NECTIN1: variants seen among roughly 807,000 people sequenced by gnomAD.
The protein encoded by NECTIN1 is nectin-1.
NECTIN1 carries 23 observed loss-of-function variants against 48.0 expected under a neutral mutation model. That is an observed-to-expected ratio of 0.48 (90% CI 0.34 to 0.68). NECTIN1 has a LOEUF of 0.68. Among genes scored for constraint, NECTIN1 ranks in the 30% least tolerant of loss-of-function variants. NECTIN1 has a pLI of 0.01. For missense variants in NECTIN1, 591 were observed against 709.9 expected (o/e 0.83, Z 1.90); for synonymous variants, 270 against 288.9 (o/e 0.93, Z 0.66).
rs1336658899 is a variant in NECTIN1, at chr11:119,664,680, G to T, written c.*67C>A. 6.7e-7 allele frequency: 1 copy of T among 1,482,380 alleles called. No individual in the cohort carries two copies. The highest frequency in any genetic ancestry group is 1.4e-5 in the South Asian group (1 of 73,520). 91.8% of individuals were successfully genotyped at this position (1,482,380 alleles called of 1,614,324 possible). ...CAGCTCCTGGAGTGGGAGGTGGGGG[G>T]TGGGCAGGGGGCGTGCGGGGAGGGG... is the stretch of plus-strand genomic sequence containing the variant. On this transcript the variant is annotated 3_prime_UTR_variant, in exon 6 of 6. Coordinates refer to ENST00000264025, the MANE Select transcript of NECTIN1 (RefSeq NM_002855.5).
chr11:119,640,090 C>CA, intron 5 of NECTIN1: 1 of 1,438,718 alleles, frequency 7.0e-7, no homozygotes. Context: ...GTGAGAGAGT[C>CA]AGACCCTGAG....
chr11:119,646,507 G>A (rs79849521), intron 5 of NECTIN1, among the ~76,000 whole-genome samples: 2,831 of 152,234 alleles, frequency 0.019, 86 homozygotes, highest in African/African-American at 0.057. Context: ...AGTTAAACCC[G>A]TGGTCACATT....
At chr11:119,666,058 T>C (rs1335878738) in intron 5 of NECTIN1, among the ~76,000 whole-genome samples, 1 of 152,144 alleles carries the variant, frequency 6.6e-6, no homozygotes. Context: ...GGTGGGGGCC[T>C]GGCAGTGCTG....
intron 5 of NECTIN1, among the ~76,000 whole-genome samples, chr11:119,669,561 G>T (rs1864833692): frequency 1.3e-5 from 2 of 152,098 alleles, no homozygotes; most frequent in Admixed American, 1.3e-4. Flanking sequence ...TCCCTCTGTG[G>T]ACTGTTTTCC....
intron 5 of NECTIN1, among the ~76,000 whole-genome samples, chr11:119,652,444 C>A (rs1024194723): frequency 1.3e-5 from 2 of 152,064 alleles, no homozygotes; most frequent in African/African-American, 2.4e-5. Flanking sequence ...TCTAGGAGGG[C>A]CCCCACCTGG....
rs1240467044 is a variant in NECTIN1 at position 119,678,832 on chromosome 11, T to C, written c.80-67A>G. 1.0e-5 allele frequency: 11 copies of C among 1,070,324 alleles called. No individual in the cohort carries two copies. The highest frequency in any genetic ancestry group is 1.6e-5 in the Non-Finnish European group (11 of 707,910). The allele number at this position is 1,070,324 out of a possible 1,614,324, so 66.3% of individuals were successfully genotyped here. ...GCCTCCCCCCACCCACACAGTTCCCTGTGCTCTGGCCTTGTCTTTTATAGC... is the reference window on the plus strand; with the variant it reads ...GCCTCCCCCCACCCACACAGTTCCCCGTGCTCTGGCCTTGTCTTTTATAGC... On this transcript the variant is annotated intron_variant, in intron 1 of 5. Transcript: ENST00000264025. The surrounding 1 kb of genome is among the most constrained non-coding windows in gnomAD (Gnocchi z 4.4).
chr11:119,654,308 C>CCCCTCTTG (rs894671021), intron 5 of NECTIN1: 2 of 151,986 alleles, frequency 1.3e-5, no homozygotes, highest in African/African-American at 4.8e-5. Flanking sequence ...ACCATCCAAC[C>CCCCTCTTG]CCCTCTTGCC....
intron 1 of NECTIN1, among the ~76,000 whole-genome samples, chr11:119,685,064 GCA>G (rs760940985): frequency 1.1e-4 from 17 of 152,214 alleles, no homozygotes; most frequent in Non-Finnish European, 2.1e-4. Flanking sequence ...CTGGGGCTGC[GCA>G]CAGTCTGGAC....
intron 1 of NECTIN1, among the ~76,000 whole-genome samples, chr11:119,701,561 G>A (rs1335687594): frequency 6.6e-6 from 1 of 152,032 alleles, no homozygotes; most frequent in Non-Finnish European, 1.5e-5. Flanking sequence ...CTGCTCTGGG[G>A]TTGGTATTGT....
In NECTIN1 at chr11:119,687,546, C is replaced by T. The variant is rs150176281; in HGVS notation, c.80-8781G>A. Reference sequence around the variant, plus strand: ...AAACAACACTGTCTTGTAGCAGACACGGCAGCCTGGATTTCCCTCGGCAAG... The same window carrying T: ...AAACAACACTGTCTTGTAGCAGACATGGCAGCCTGGATTTCCCTCGGCAAG... On this transcript the variant is annotated intron_variant, in intron 1 of 5. Coordinates refer to ENST00000264025, the MANE Select transcript of NECTIN1 (RefSeq NM_002855.5). Among the ~76,000 whole-genome samples, 1,041 of 152,234 alleles carry T rather than the reference C, an allele frequency of 6.8e-3. 50 individuals are homozygous for T. Among genetic ancestry groups the T allele is most frequent in the Admixed American group, 0.062 (949 of 15,298 alleles).
chr11:119,698,194 C>A (rs916096449), intron 1 of NECTIN1, among the ~76,000 whole-genome samples: 1 of 152,226 alleles, frequency 6.6e-6, no homozygotes, highest in African/African-American at 2.4e-5. Flanking sequence ...CCATGCTGGA[C>A]CCTTTTGGCA....
chr11:119,653,104 G>A (rs1864515912), intron 5 of NECTIN1, among the ~76,000 whole-genome samples: 1 of 152,102 alleles, frequency 6.6e-6, no homozygotes, highest in Non-Finnish European at 1.5e-5. Context: ...TGCCTGGGAG[G>A]GCACATGAAT....
rs73004971 is a variant in NECTIN1, at chr11:119,671,136, C to T, written c.1003+4023G>A. On this transcript the variant is annotated intron_variant, in intron 5 of 5. Coordinates refer to ENST00000264025, the MANE Select transcript of NECTIN1 (RefSeq NM_002855.5). ...AAAGGAGAAGCATGGGGATCTAACTCATTTGCAAGCAGAAGGGGCTGTCTG... is the reference window on the plus strand; with the variant it reads ...AAAGGAGAAGCATGGGGATCTAACTTATTTGCAAGCAGAAGGGGCTGTCTG... Among the ~76,000 whole-genome samples the T allele has an allele frequency of 3.4e-3, 508 of 151,580 alleles. 3 individuals are homozygous for T. The South Asian group carries it at 0.034, about 10-fold the overall frequency.
rs568611145 is a variant in NECTIN1, at chr11:119,662,270, G to A, written c.*2477C>T. 4.1e-6 allele frequency: 4 copies of A among 985,624 alleles called. No homozygotes were observed. The highest frequency in any genetic ancestry group is 6.1e-5 in the Admixed American group (1 of 16,272). 61.1% of individuals were successfully genotyped at this position (985,624 alleles called of 1,614,324 possible). A position where few individuals can be genotyped will look rare whatever the true frequency, so the allele number is the denominator to read the frequency against. On this transcript the variant is annotated 3_prime_UTR_variant, in exon 6 of 6. Coordinates refer to ENST00000264025, the MANE Select transcript of NECTIN1 (RefSeq NM_002855.5). This position sits in a 1 kb window ranked among gnomAD's most constrained non-coding sequence, Gnocchi z 5.3. Reference sequence around the variant, plus strand: ...CTGTGTCTGTGGGCCCAGCAGTAGTGCCCACCTTCCCACAAACTTGGGGCA... The same window carrying A: ...CTGTGTCTGTGGGCCCAGCAGTAGTACCCACCTTCCCACAAACTTGGGGCA...
intron 1 of NECTIN1, among the ~76,000 whole-genome samples, chr11:119,679,635 C>T (rs575138807): frequency 5.9e-4 from 90 of 152,282 alleles, no homozygotes; most frequent in African/African-American, 2.0e-3. Context: ...ATGCCACATT[C>T]CCGGTTTCCT....
chr11:119,703,441 C>G (rs1310241405), intron 1 of NECTIN1, among the ~76,000 whole-genome samples: 1 of 152,208 alleles, frequency 6.6e-6, no homozygotes, highest in African/African-American at 2.4e-5. Context: ...CTGTCTTGTA[C>G]CCTTCTTGGT....
rs1189660204 is a variant in NECTIN1 at position 119,709,317 on chromosome 11, T to G, written c.79+19158A>C. Among the ~76,000 whole-genome samples, 4 of 152,076 alleles carry G rather than the reference T, an allele frequency of 2.6e-5. No homozygotes were observed. The East Asian group carries it at 7.7e-4, about 29-fold the overall frequency. ...GTGTACCAGGGCCTGTCTCAGCCCC[T>G]GAGAATCTGGGATCACCAGCTCCAC... On this transcript the variant is annotated intron_variant, in intron 1 of 5. Coordinates refer to ENST00000264025, the MANE Select transcript of NECTIN1 (RefSeq NM_002855.5). This position sits in a 1 kb window ranked among gnomAD's most constrained non-coding sequence, Gnocchi z 4.1.
intron 5 of NECTIN1, among the ~76,000 whole-genome samples, chr11:119,667,867 C>T (rs1864800706): frequency 6.6e-6 from 1 of 152,288 alleles, no homozygotes; most frequent in East Asian, 1.9e-4. Flanking sequence ...ACTGTATCTC[C>T]ACAGCATCTC....
At position 119,661,322 on chromosome 11, in the gene NECTIN1, C is replaced by T. The variant is rs963530966; in HGVS notation, c.*3425G>A. On this transcript the variant is annotated 3_prime_UTR_variant, in exon 6 of 6. Transcript: ENST00000264025. The stretch of plus-strand genomic sequence containing the variant: ...GCAGCAGCACCGAGTGGGACAGGGG[C>T]TCCTCCTGGCCTCACAAGCTGGGCA... 2.0e-4 allele frequency: 193 copies of T among 986,052 alleles called. No individual in the cohort carries two copies. Among genetic ancestry groups the T allele is most frequent in the Non-Finnish European group, 2.2e-4 (183 of 830,158 alleles). The allele number at this position is 986,052 out of a possible 1,614,324, so 61.1% of individuals were successfully genotyped here. A position where few individuals can be genotyped will look rare whatever the true frequency, so the allele number is the denominator to read the frequency against.
Sources: allele counts gnomAD v4.1 joint callset (sites outside exome capture counted in the v4.1 genomes callset), GRCh38; gene constraint gnomAD v4.1.1; non-coding constraint Gnocchi (gnomAD v3.1); transcripts MANE v1.5; gene names NCBI Gene and HGNC (gene_info 2026-07-23, HGNC 2026-07-21).